Variants in ERBB4 observed in about 807,000 individuals in gnomAD.
The protein encoded by ERBB4 is receptor tyrosine-protein kinase erbB-4.
A neutral mutation model predicts 158.0 loss-of-function variants in ERBB4; 42 were observed. The observed-to-expected ratio is 0.27, with a 90% CI of 0.21 to 0.34. The LOEUF is 0.34. Among genes scored for constraint, ERBB4 ranks in the 10% least tolerant of loss-of-function variants. ERBB4 has a pLI of 1.00. For missense variants in ERBB4, 1,333 were observed against 1,624.1 expected (o/e 0.82, Z 3.08); for synonymous variants, 583 against 558.7 (o/e 1.04, Z -0.61).
chr2:212,376,873 T>A, intron 1 of ERBB4, among the ~76,000 whole-genome samples: 1 of 152,044 alleles, frequency 6.6e-6, no homozygotes, highest in East Asian at 1.9e-4. Flanking sequence ...CCTTCCCATA[T>A]GTTCAAAGAA....
At chr2:211,847,506 C>T (rs1390627536) in intron 3 of ERBB4, among the ~76,000 whole-genome samples, 1 of 152,136 alleles carries the variant, frequency 6.6e-6, no homozygotes, top group Non-Finnish European at 1.5e-5. Context: ...AAAGGCTAGA[C>T]AATGGCCACA....
chr2:212,468,224 T>C (rs1268951004), intron 1 of ERBB4, among the ~76,000 whole-genome samples: 1 of 152,100 alleles, frequency 6.6e-6, no homozygotes, highest in Non-Finnish European at 1.5e-5. Context: ...AGTTAAGGCT[T>C]TGGGGGACTG....
chr2:211,839,234 G>GAGAAAAGAAAAGAAA (rs949627663), intron 3 of ERBB4, among the ~76,000 whole-genome samples: 1 of 149,718 alleles, frequency 6.7e-6, no homozygotes, highest in Non-Finnish European at 1.5e-5. Flanking sequence ...AGAGAAAGAA[G>GAGAAAAGAAAAGAAA]AGAAAAGAAA....
At chr2:211,509,436 A>C (rs1309991667) in intron 20 of ERBB4, among the ~76,000 whole-genome samples, 1 of 152,146 alleles carries the variant, frequency 6.6e-6, no homozygotes, top group Non-Finnish European at 1.5e-5. Context: ...TAAATATACA[A>C]AACGTAACTC....
chr2:211,497,998 G>C (rs1008985110), intron 20 of ERBB4, among the ~76,000 whole-genome samples: 2 of 152,126 alleles, frequency 1.3e-5, no homozygotes, highest in African/African-American at 4.8e-5. Context: ...TCTGCCAATA[G>C]TTCATCCATG....
At chr2:212,235,340 T>C (rs2083824592) in intron 1 of ERBB4, among the ~76,000 whole-genome samples, 1 of 152,216 alleles carries the variant, frequency 6.6e-6, no homozygotes, top group Admixed American at 6.5e-5. Flanking sequence ...TCTATATATC[T>C]GTTTTGGTAC....
At chr2:212,428,414 T>C (rs554014573) in intron 1 of ERBB4, among the ~76,000 whole-genome samples, 26 of 152,288 alleles carry the variant, frequency 1.7e-4, no homozygotes, top group African/African-American at 5.8e-4. Flanking sequence ...TTCTTGGCTT[T>C]TGTTTTTGAA....
At chr2:211,499,321 G>A (rs956232291) in intron 20 of ERBB4, among the ~76,000 whole-genome samples, 2 of 151,778 alleles carry the variant, frequency 1.3e-5, no homozygotes, top group African/African-American at 2.4e-5. Context: ...TCAGGAGATC[G>A]AGACCATCCT....
intron 16 of ERBB4, among the ~76,000 whole-genome samples, chr2:211,650,924 A>G (rs903851085): frequency 6.6e-6 from 1 of 152,200 alleles, no homozygotes; most frequent in Non-Finnish European, 1.5e-5. Flanking sequence ...CTTTAACTGC[A>G]CTGAAAGTGC....
At chr2:212,178,000 T>C (rs1039774799) in intron 1 of ERBB4, among the ~76,000 whole-genome samples, 1 of 151,140 alleles carries the variant, frequency 6.6e-6, no homozygotes, top group Non-Finnish European at 1.5e-5. Context: ...GGGTTGTTCA[T>C]GGAGGAATGT....
chr2:212,090,598 T>C (rs556748763), intron 2 of ERBB4, among the ~76,000 whole-genome samples: 4 of 152,138 alleles, frequency 2.6e-5, no homozygotes, highest in African/African-American at 9.7e-5. Context: ...CATTTAGACA[T>C]GCTTGCTCCA....
rs1043475874 is a variant in ERBB4 at position 211,996,260 on chromosome 2, GGTTT to G, written c.235-48648_235-48645del. Among the ~76,000 whole-genome samples, 4 of 150,828 alleles carry G rather than the reference GGTTT, an allele frequency of 2.7e-5. No individual in the cohort carries two copies. In the East Asian group the frequency reaches 5.9e-4, roughly 22 times the overall value. On this transcript the variant is annotated intron_variant, in intron 2 of 27. Coordinates refer to ENST00000342788, the MANE Select transcript of ERBB4 (RefSeq NM_005235.3). ...TATCTTTTCATAAAATTAAAAATTT[GGTTT>G]ATTTTTTTTTTCAGATGGCAGAAAC...
chr2:212,315,728 G>A (rs577104296), intron 1 of ERBB4, among the ~76,000 whole-genome samples: 13 of 151,442 alleles, frequency 8.6e-5, no homozygotes, highest in South Asian at 4.2e-4. Context: ...AGCTTTCCTC[G>A]TCACCAAATA....
intron 2 of ERBB4, among the ~76,000 whole-genome samples, chr2:212,083,642 C>T (rs1045915072): frequency 6.6e-6 from 1 of 151,512 alleles, no homozygotes; most frequent in East Asian, 1.9e-4. Context: ...CCCCTCCCCC[C>T]CAAAAAAAAC....
chr2:211,439,516 T>C (rs760377037), intron 20 of ERBB4, among the ~76,000 whole-genome samples: 67 of 152,166 alleles, frequency 4.4e-4, no homozygotes, highest in Non-Finnish European at 8.8e-5. Context: ...ATCTACTGAG[T>C]ATATTTTTAT....
At chr2:211,924,663 T>C (rs1169687739) in intron 3 of ERBB4, among the ~76,000 whole-genome samples, 1 of 152,086 alleles carries the variant, frequency 6.6e-6, no homozygotes, top group Non-Finnish European at 1.5e-5. Flanking sequence ...AATGAAAACA[T>C]ACAACATTGT....
intron 1 of ERBB4, among the ~76,000 whole-genome samples, chr2:212,316,652 C>T (rs1223817913): frequency 6.6e-6 from 1 of 151,324 alleles, no homozygotes; most frequent in Non-Finnish European, 1.5e-5. Flanking sequence ...AAATGCTGAG[C>T]GAAATTGCTT....
intron 1 of ERBB4, among the ~76,000 whole-genome samples, chr2:212,274,699 T>C (rs541290263): frequency 1.1e-4 from 16 of 151,960 alleles, no homozygotes; most frequent in Admixed American, 9.9e-4. Context: ...GGTTTGTGTA[T>C]ATTTTATGGC....
rs923805097 is a variant in ERBB4, at chr2:211,724,966, A to T, written c.741+110T>A. The T allele has an allele frequency of 9.4e-6, 8 of 853,614 alleles. No individual in the cohort carries two copies. The Admixed American group carries it at 1.1e-4, about 12-fold the overall frequency. 52.9% of individuals were successfully genotyped at this position (853,614 alleles called of 1,614,324 possible). A position where few individuals can be genotyped will look rare whatever the true frequency, so the allele number is the denominator to read the frequency against. ...AGGGCAGAGCATTTTTCTTAATCCTAAAGTGGCTAAAGTTGATCTGATTGT... is the reference window on the plus strand; with the variant it reads ...AGGGCAGAGCATTTTTCTTAATCCTTAAGTGGCTAAAGTTGATCTGATTGT... On this transcript the variant is annotated intron_variant, in intron 6 of 27. Transcript: ENST00000342788.
Sources: gnomAD v4.1 joint callset for allele counts (sites outside exome capture counted in the v4.1 genomes callset) on GRCh38, gnomAD v4.1.1 for gene constraint, MANE v1.5 for transcripts, NCBI Gene and HGNC (gene_info 2026-07-23, HGNC 2026-07-21) for gene names.